Variants in IL1RAPL2 observed in about 807,000 individuals in gnomAD.
IL1RAPL2 encodes the protein X-linked interleukin-1 receptor accessory protein-like 2.
IL1RAPL2 carries 3 observed loss-of-function variants against 44.1 expected under a neutral mutation model. The observed-to-expected ratio is 0.07, with a 90% CI of 0.03 to 0.18. The LOEUF is 0.18. Ranked by LOEUF, IL1RAPL2 falls within the 10% of genes least tolerant of loss-of-function variation. The pLI, the probability that IL1RAPL2 is intolerant of heterozygous loss-of-function variation, is 1.00. For missense variants in IL1RAPL2, 391 were observed against 496.4 expected (o/e 0.79, Z 2.02); for synonymous variants, 181 against 178.8 (o/e 1.01, Z -0.10).
In IL1RAPL2 at chrX:105,767,390, T is replaced by G. The variant is rs781227463; in HGVS notation, c.1790T>G (p.Val597Gly). The G allele has an allele frequency of 7.4e-6, 9 of 1,209,773 alleles. No homozygotes were observed. The Admixed American group carries it at 2.0e-4, about 26-fold the overall frequency. The stretch of plus-strand genomic sequence containing the variant: ...ATGACCAGTACTTCAGCCACTCTGG[T>G]GTCATCTCAGGCTGATCTCCCTGAA... ...IAMTSTSATL[V>G]SSQADLPEFH... Residue 597 changes from valine (V) to glycine (G), a missense_variant, in exon 11 of 11, where the codon GTG becomes GGG. Around this residue, in one of 2 missense-constraint regions of IL1RAPL2, gnomAD observed 232 missense variants for 244.8 expected, o/e 0.95. Coordinates refer to ENST00000372582, the MANE Select transcript of IL1RAPL2 (RefSeq NM_017416.2).
At position 105,175,046 on chromosome X, in the gene IL1RAPL2, A is replaced by G. The variant is rs775122534; in HGVS notation, c.83-20429A>G. ...TCAAATTAAATTGGGTATATTTATA[A>G]CATCTGTCTTATAAGGTTGTTGTGA... On this transcript the variant is annotated intron_variant, in intron 2 of 10. Transcript: ENST00000372582. Among the ~76,000 whole-genome samples, 9 of 111,766 alleles carry G rather than the reference A, an allele frequency of 8.1e-5. No individual in the cohort carries two copies. The East Asian group carries it at 2.5e-3, about 31-fold the overall frequency.
At chrX:104,877,688 T>A (rs1315335557) in intron 2 of IL1RAPL2, among the ~76,000 whole-genome samples, 1 of 111,693 alleles carries the variant, frequency 9.0e-6, no homozygotes, top group South Asian at 3.7e-4. Context: ...AATGCAAACA[T>A]CAAACATGAG....
chrX:105,383,531 C>G (rs778165075), intron 5 of IL1RAPL2, among the ~76,000 whole-genome samples: 8 of 112,217 alleles, frequency 7.1e-5, no homozygotes, highest in South Asian at 3.7e-4. Flanking sequence ...TAGGTTGATT[C>G]CATAGCTTGG....
intron 1 of IL1RAPL2, among the ~76,000 whole-genome samples, chrX:104,617,434 C>T (rs1474549660): frequency 8.9e-6 from 1 of 112,132 alleles, no homozygotes; most frequent in Non-Finnish European, 1.9e-5. Context: ...GGGAAATTTT[C>T]TTGAATTATT....
intron 5 of IL1RAPL2, among the ~76,000 whole-genome samples, chrX:105,422,239 G>A (rs935653349): frequency 8.9e-6 from 1 of 111,856 alleles, no homozygotes; most frequent in Non-Finnish European, 1.9e-5. Flanking sequence ...CCTATGATTT[G>A]GGTGAATTCC....
chrX:104,644,456 C>T (rs945427748), intron 1 of IL1RAPL2, among the ~76,000 whole-genome samples: 12 of 111,977 alleles, frequency 1.1e-4, no homozygotes, highest in Admixed American at 1.0e-3. Context: ...GCACCATCAT[C>T]TGTAATTTCT....
At chrX:105,747,496 G>A (rs867306090) in intron 8 of IL1RAPL2, among the ~76,000 whole-genome samples, 1,913 of 48,838 alleles carry the variant, frequency 0.039, 63 homozygotes, top group African/African-American at 0.13. Flanking sequence ...GTGTGTATGT[G>A]TGTGTGTGTG....
chrX:104,915,395 C>T (rs1332233853), intron 2 of IL1RAPL2, among the ~76,000 whole-genome samples: 1 of 110,447 alleles, frequency 9.1e-6, no homozygotes, highest in Non-Finnish European at 1.9e-5. Flanking sequence ...TATCCTTTGC[C>T]CACTTTTTGA....
intron 1 of IL1RAPL2, among the ~76,000 whole-genome samples, chrX:104,587,512 G>A (rs187992036): frequency 6.3e-5 from 7 of 111,886 alleles, no homozygotes; most frequent in African/African-American, 2.3e-4. Context: ...GCCCAAGAAT[G>A]TGCATCCTTT....
At chrX:105,120,277 G>T (rs1466559385) in intron 2 of IL1RAPL2, among the ~76,000 whole-genome samples, 2 of 108,204 alleles carry the variant, frequency 1.8e-5, no homozygotes, top group African/African-American at 6.7e-5. Context: ...AAAGGGATTA[G>T]GATCTCAAGA....
chrX:105,318,233 A>G (rs1429243424), intron 5 of IL1RAPL2, among the ~76,000 whole-genome samples: 1 of 111,352 alleles, frequency 9.0e-6, no homozygotes, highest in Non-Finnish European at 1.9e-5. Flanking sequence ...TCGGCCTCCC[A>G]AAGTGGTGGG....
chrX:105,216,727 A>G (rs1556166440), intron 3 of IL1RAPL2, among the ~76,000 whole-genome samples: 1 of 112,003 alleles, frequency 8.9e-6, no homozygotes, highest in Non-Finnish European at 1.9e-5. Context: ...AGTAACAAAA[A>G]CAGCATGGTA....
At chrX:104,703,809 A>G (rs1440076512) in intron 2 of IL1RAPL2, among the ~76,000 whole-genome samples, 2 of 112,296 alleles carry the variant, frequency 1.8e-5, no homozygotes, top group East Asian at 5.6e-4. Context: ...ACACACAGCT[A>G]TTAAGTATTA....
At chrX:104,639,799 GT>G (rs1186378657) in intron 1 of IL1RAPL2, among the ~76,000 whole-genome samples, 1 of 111,784 alleles carries the variant, frequency 8.9e-6, no homozygotes, top group Non-Finnish European at 1.9e-5. Context: ...TTTGCTGGCA[GT>G]TTTTTTCTTT....
chrX:104,592,585 G>C (rs1047037916), intron 1 of IL1RAPL2, among the ~76,000 whole-genome samples: 5 of 110,987 alleles, frequency 4.5e-5, no homozygotes, highest in African/African-American at 1.6e-4. Context: ...ATAAATTTAG[G>C]CTGCAGTCTA....
At position 105,576,050 on chromosome X, in the gene IL1RAPL2, A is replaced by G. The variant is rs967969785; in HGVS notation, c.772+91663A>G. Among the ~76,000 whole-genome samples the G allele has an allele frequency of 2.7e-5, 3 of 111,515 alleles. No homozygotes were observed. In the East Asian group the frequency reaches 8.4e-4, roughly 31 times the overall value. ...TTGCTTATAAATTTAAGTTCCTTAT[A>G]CATACTGGATATTAGACCTCTGTGA... On this transcript the variant is annotated intron_variant, in intron 6 of 10. Coordinates refer to ENST00000372582, the MANE Select transcript of IL1RAPL2 (RefSeq NM_017416.2).
intron 2 of IL1RAPL2, among the ~76,000 whole-genome samples, chrX:105,074,315 T>C (rs1244892404): frequency 8.9e-6 from 1 of 111,925 alleles, no homozygotes; most frequent in Non-Finnish European, 1.9e-5. Context: ...TCCCCATTTC[T>C]TGTTTTTGTC....
intron 2 of IL1RAPL2, among the ~76,000 whole-genome samples, chrX:105,176,914 T>G (rs2033479243): frequency 9.0e-6 from 1 of 111,503 alleles, no homozygotes; most frequent in Admixed American, 9.5e-5. Flanking sequence ...GATCTGGAAT[T>G]AATCCAAGAA....
intron 2 of IL1RAPL2, among the ~76,000 whole-genome samples, chrX:104,768,370 A>C (rs1047075622): frequency 9.0e-6 from 1 of 111,672 alleles, no homozygotes; most frequent in Non-Finnish European, 1.9e-5. Context: ...CCTGAAGAAC[A>C]TATCAAATGA....
Sources: allele counts gnomAD v4.1 joint callset (sites outside exome capture counted in the v4.1 genomes callset), GRCh38; gene constraint gnomAD v4.1.1; regional missense constraint gnomAD v4.1.1; transcripts MANE v1.5; gene names NCBI Gene and HGNC (gene_info 2026-07-23, HGNC 2026-07-21).